Variants in NBAS observed in about 807,000 individuals in gnomAD.
The protein encoded by NBAS is NBAS subunit of NRZ tethering complex.
Under a neutral mutation model 302.5 loss-of-function variants are expected in NBAS, and 219 were observed. That is an observed-to-expected ratio of 0.72 (90% confidence interval 0.65 to 0.81). The LOEUF (loss-of-function observed/expected upper bound fraction) is 0.81, where lower values mean the gene tolerates loss of function less well. Among genes scored for constraint, NBAS ranks in the 30% least tolerant of loss-of-function variants. NBAS has a pLI of 0.00. For synonymous variants in NBAS, 1,118 were observed against 1,021.6 expected (o/e 1.09, Z -1.80); for missense variants, 2,932 against 2,841.6 (o/e 1.03, Z -0.72).
chr2:15,339,966 A>G (rs920912643), intron 35 of NBAS, among the ~76,000 whole-genome samples: 2 of 152,182 alleles, frequency 1.3e-5, no homozygotes, highest in African/African-American at 4.8e-5. Context: ...GCTAAGCAAA[A>G]TGAATGTGTA....
the NBAS span, among the ~76,000 whole-genome samples, chr2:14,785,703 A>G: frequency 5.7e-4 from 87 of 152,208 alleles, 1 homozygote; most frequent in African/African-American, 1.8e-3. Flanking sequence ...TTTTTGATGT[A>G]CTGCCGGATT....
chr2:15,259,030 G>A (rs1354324920), intron 44 of NBAS, among the ~76,000 whole-genome samples: 1 of 152,090 alleles, frequency 6.6e-6, no homozygotes, highest in Non-Finnish European at 1.5e-5. Context: ...CTAACACTTA[G>A]GGAAAATAGA....
chr2:15,268,236 AGTG>A (rs1353460956), intron 44 of NBAS, among the ~76,000 whole-genome samples: 2 of 152,188 alleles, frequency 1.3e-5, no homozygotes, highest in Non-Finnish European at 2.9e-5. Context: ...TGATAAGTGA[AGTG>A]GGGAGAAACA....
chr2:15,273,332 C>T (rs1330393950), intron 44 of NBAS, among the ~76,000 whole-genome samples: 4 of 152,232 alleles, frequency 2.6e-5, no homozygotes, highest in Admixed American at 6.5e-5. Flanking sequence ...CATTTAGATT[C>T]AGCCCTGCTC....
At chr2:15,465,497 G>A (rs1679684489) in intron 19 of NBAS, among the ~76,000 whole-genome samples, 1 of 152,040 alleles carries the variant, frequency 6.6e-6, no homozygotes, top group African/African-American at 2.4e-5. Flanking sequence ...ACAATATCTT[G>A]CGTTTAGGAG....
intron 6 of NBAS, among the ~76,000 whole-genome samples, chr2:15,540,775 T>G (rs1008954001): frequency 6.6e-6 from 1 of 151,704 alleles, no homozygotes; most frequent in African/African-American, 2.4e-5. Context: ...CAGACTGGAG[T>G]ACAGTGGCGC....
the NBAS span, among the ~76,000 whole-genome samples, chr2:14,848,489 G>A: frequency 4.2e-5 from 6 of 143,990 alleles, no homozygotes; most frequent in Admixed American, 1.3e-4. Flanking sequence ...AGGCGGCAGC[G>A]AGGCTGGGGG....
intron 48 of NBAS, among the ~76,000 whole-genome samples, chr2:15,213,768 G>C (rs1196552216): frequency 1.3e-5 from 2 of 152,076 alleles, no homozygotes; most frequent in Admixed American, 6.6e-5. Flanking sequence ...AACAGCGAGA[G>C]GGCAAATATT....
intron 11 of NBAS, among the ~76,000 whole-genome samples, chr2:15,498,407 C>T (rs1274668597): frequency 6.6e-6 from 1 of 152,122 alleles, no homozygotes; most frequent in East Asian, 1.9e-4. Context: ...GGCATACAAA[C>T]ATTTAAAATG....
At chr2:14,832,302 T>C in the NBAS span, among the ~76,000 whole-genome samples, 1 of 152,204 alleles carries the variant, frequency 6.6e-6, no homozygotes, top group Admixed American at 6.5e-5. Context: ...ACTTTGTTGG[T>C]ACAAGTGTTT....
At chr2:14,984,376 T>A in the NBAS span, among the ~76,000 whole-genome samples, 1 of 152,136 alleles carries the variant, frequency 6.6e-6, no homozygotes, top group Admixed American at 6.5e-5. Flanking sequence ...GTAGACTAGA[T>A]CATTAGAAGG....
chr2:15,198,457 G>A (rs764166759), intron 48 of NBAS, among the ~76,000 whole-genome samples: 2 of 152,136 alleles, frequency 1.3e-5, no homozygotes, highest in East Asian at 1.9e-4. Flanking sequence ...GACATGTAGA[G>A]GTAAGGGAAA....
chr2:15,198,721 T>A (rs1392815625), intron 48 of NBAS, among the ~76,000 whole-genome samples: 1 of 152,236 alleles, frequency 6.6e-6, no homozygotes, highest in African/African-American at 2.4e-5. Flanking sequence ...ATGATTAATA[T>A]ACATTTCTTG....
At chr2:15,190,040 C>T (rs1665273813) in intron 49 of NBAS, among the ~76,000 whole-genome samples, 1 of 152,132 alleles carries the variant, frequency 6.6e-6, no homozygotes, top group Admixed American at 6.5e-5. Flanking sequence ...TATTATCAAG[C>T]ATTGTCTGAT....
intron 31 of NBAS, among the ~76,000 whole-genome samples, chr2:15,370,365 C>T (rs1443827606): frequency 2.6e-5 from 4 of 152,212 alleles, no homozygotes; most frequent in African/African-American, 7.2e-5. Flanking sequence ...ACAATCTCAA[C>T]TCACTGCAGA....
the NBAS span, among the ~76,000 whole-genome samples, chr2:15,143,544 C>T: frequency 6.6e-6 from 1 of 152,184 alleles, no homozygotes; most frequent in African/African-American, 2.4e-5. Context: ...ATTCTCCACC[C>T]ACGGGCTTCG....
chr2:15,298,320 ATGATAC>A (rs1670642851), intron 40 of NBAS, among the ~76,000 whole-genome samples: 1 of 152,226 alleles, frequency 6.6e-6, no homozygotes, highest in Non-Finnish European at 1.5e-5. Context: ...TGTATAAAAC[ATGATAC>A]TGAGAAGAAC....
the NBAS span, among the ~76,000 whole-genome samples, chr2:15,019,986 T>G: frequency 6.6e-6 from 1 of 152,178 alleles, no homozygotes; most frequent in Non-Finnish European, 1.5e-5. Context: ...TCTTCCTACA[T>G]AGCGTTAACA....
intron 6 of NBAS, among the ~76,000 whole-genome samples, chr2:15,542,875 A>AGGAATTTGC: frequency 6.6e-6 from 1 of 152,328 alleles, no homozygotes; most frequent in Middle Eastern, 3.4e-3. Flanking sequence ...TGCATCTGCA[A>AGGAATTTGC]GGGATTTGCT....
Sources: allele counts gnomAD v4.1 joint callset (sites outside exome capture counted in the v4.1 genomes callset), GRCh38; gene constraint gnomAD v4.1.1; transcripts MANE v1.5; gene names NCBI Gene and HGNC (gene_info 2026-07-23, HGNC 2026-07-21).